Variants in ABCA5 observed in about 807,000 individuals in gnomAD.
ABCA5 encodes the protein cholesterol transporter ABCA5.
Under a neutral mutation model 206.0 loss-of-function variants are expected in ABCA5, and 163 were observed. The observed-to-expected ratio is 0.79, with a 90% CI of 0.70 to 0.90. The LOEUF is 0.90. Among genes scored for constraint, ABCA5 ranks in the 40% least tolerant of loss-of-function variants. The probability of loss-of-function intolerance (pLI) is 0.00; values close to 1 mark genes in which losing one functional copy is unlikely to be tolerated. For synonymous variants in ABCA5, 609 were observed against 613.8 expected, an observed-to-expected ratio of 0.99 and a Z score of 0.11; for missense variants, 1,859 against 1,912.9, an observed-to-expected ratio of 0.97 and a Z score of 0.53.
chr17:69,301,396 C>T (rs2075651273), intron 8 of ABCA5, 110 bp from the exon 9 acceptor site: 1 of 718,024 alleles, frequency 1.4e-6, no homozygotes, highest in South Asian at 3.1e-5. Flanking sequence ...ACCAACTGGG[C>T]CTTTTAATAG....
chr17:69,283,880 T>A, intron 18 of ABCA5, 73 bp downstream of exon 18: 1 of 1,427,614 alleles, frequency 7.0e-7, no homozygotes, highest in African/African-American at 1.5e-5. Flanking sequence ...TAAAATTACA[T>A]TTATATAATT....
chr17:69,251,914 A>T, intron 34 of ABCA5, 48 bp from the exon 35 acceptor site: 2 of 1,499,634 alleles, frequency 1.3e-6, no homozygotes, highest in Non-Finnish European at 1.8e-6. Flanking sequence ...TCTGTTTGTT[A>T]AAAAAAAATG....
Position 69,255,633 on chromosome 17 carries a change from T to C in ABCA5, c.3978A>G (p.Gly1326=), listed in dbSNP as rs752580473. Residue 1326 remains glycine, a splice_region_variant and synonymous_variant, in exon 31 of 39, where the codon GGA becomes GGG. Transcript: ENST00000392676. ...TKYISFCVKK[G]EILGLLGPNG... Reference sequence around the variant, plus strand: ...TTGGACCCAATAGTCCTAAGATCTCTCCTAAAGGAATTGAAAGAAAAAAAA... The same window carrying C: ...TTGGACCCAATAGTCCTAAGATCTCCCCTAAAGGAATTGAAAGAAAAAAAA... 7 of 1,577,492 alleles carry C rather than the reference T, an allele frequency of 4.4e-6. No homozygotes were observed. Among genetic ancestry groups the C allele is most frequent in the African/African-American group, 4.1e-5 (3 of 72,344 alleles).
chr17:69,292,412 G>A (rs2075538697), intron 11 of ABCA5, among the ~76,000 whole-genome samples: 1 of 151,844 alleles, frequency 6.6e-6, no homozygotes, highest in Non-Finnish European at 1.5e-5. Flanking sequence ...TTATGTGTTG[G>A]TAACATATAG....
intron 6 of ABCA5, 130 bp from the exon 7 acceptor site, chr17:69,304,940 A>C (rs2075701256): frequency 1.4e-6 from 1 of 736,126 alleles, no homozygotes; most frequent in Non-Finnish European, 2.0e-6. Flanking sequence ...ATTTCTGTGT[A>C]TGCTTATGTA....
chr17:69,286,250 T>C lies in ABCA5; in HGVS notation c.2103A>G (p.Lys701=). ...GGCGGTAGCCGATCCCCCATTTACT[T>C]TTGAGGAACATTGAAGAACCAACAC... ...LKCVGSSMFL[K]SKWGIGYRLS... Residue 701 remains lysine (K), a synonymous_variant, in exon 16 of 39, where the codon AAA becomes AAG. Transcript: ENST00000392676. 6.3e-7 allele frequency: 1 copy of C among 1,597,936 alleles called. No homozygotes were observed. Among genetic ancestry groups the C allele is most frequent in the Non-Finnish European group, 8.5e-7 (1 of 1,176,152 alleles).
intron 22 of ABCA5, chr17:69,268,660 A>G (rs1598161477): frequency 6.6e-6 from 1 of 152,222 alleles, no homozygotes; most frequent in African/African-American, 2.4e-5. Flanking sequence ...CAAGGATACT[A>G]TATTATCAGC....
At chr17:69,297,081 G>T in intron 10 of ABCA5, 110 bp downstream of exon 10, 1 of 1,024,232 alleles carries the variant, frequency 9.8e-7, no homozygotes, top group Non-Finnish European at 1.4e-6. Context: ...TTAAAATCAT[G>T]GCATATGTAC....
chr17:69,266,758 A>AT (rs1471744679), intron 23 of ABCA5, among the ~76,000 whole-genome samples: 1 of 149,608 alleles, frequency 6.7e-6, no homozygotes, highest in African/African-American at 2.4e-5. Flanking sequence ...CATTACTACA[A>AT]TGAGTATATT....
intron 6 of ABCA5, 101 bp from the exon 7 acceptor site, chr17:69,304,911 T>C: frequency 9.1e-7 from 1 of 1,098,960 alleles, no homozygotes; most frequent in Non-Finnish European, 1.2e-6. Context: ...ATTTTATTCT[T>C]AAAATTAAGT....
chr17:69,264,638 T>C, intron 24 of ABCA5, 97 bp downstream of exon 24: 2 of 850,252 alleles, frequency 2.4e-6, no homozygotes, highest in South Asian at 9.1e-5. Context: ...AACAAATTAA[T>C]AACCAAATTA....
intron 1 of ABCA5, among the ~76,000 whole-genome samples, chr17:69,320,687 A>G (rs1405032032): frequency 6.6e-6 from 1 of 152,190 alleles, no homozygotes. Context: ...GAAACTTCAA[A>G]GCTATAGTCA....
intron 10 of ABCA5, among the ~76,000 whole-genome samples, chr17:69,296,191 CTTAT>C (rs1333014460): frequency 6.6e-6 from 1 of 151,932 alleles, no homozygotes; most frequent in Non-Finnish European, 1.5e-5. Context: ...CTTATTCTAC[CTTAT>C]TTTTTTCATA....
rs58369537 is a variant in ABCA5, at chr17:69,263,697, C to CTTTTTTTTTTTTTTTT, written c.3315+1022_3315+1037dup. Among the ~76,000 whole-genome samples the CTTTTTTTTTTTTTTTT allele has an allele frequency of 3.1e-3, 323 of 103,626 alleles. 26 individuals are homozygous for CTTTTTTTTTTTTTTTT. The highest frequency in any genetic ancestry group is 0.013 in the African/African-American group (303 of 22,664). 68.0% of individuals were successfully genotyped at this position (103,626 alleles called of 152,430 possible). ...GGCTTTGTTCTTTTTACATGGATTC[C>CTTTTTTTTTTTTTTTT]TTTTTTTTTTTTTTTTTGATAAAAA... On this transcript the variant is annotated intron_variant, in intron 24 of 38. Coordinates refer to ENST00000392676, the MANE Select transcript of ABCA5 (RefSeq NM_172232.4).
intron 18 of ABCA5, among the ~76,000 whole-genome samples, chr17:69,280,816 T>C (rs939272384): frequency 4.6e-5 from 7 of 152,004 alleles, no homozygotes; most frequent in Non-Finnish European, 7.4e-5. Context: ...TTCTCACTCA[T>C]AGGTGGGAAC....
chr17:69,304,419 CAGAT>C (rs60474421), intron 7 of ABCA5: 2,801 of 273,754 alleles, frequency 0.01, 82 homozygotes, highest in African/African-American at 0.056. Flanking sequence ...ATAAAGACAA[CAGAT>C]AGAGGAGTTG....
At chr17:69,306,289 C>A (rs921367218) in intron 6 of ABCA5, among the ~76,000 whole-genome samples, 4 of 152,072 alleles carry the variant, frequency 2.6e-5, no homozygotes, top group African/African-American at 9.7e-5. Flanking sequence ...CATATACAGA[C>A]TTTAATCACT....
chr17:69,268,702 T>A (rs1248464856), intron 22 of ABCA5: 3 of 152,210 alleles, frequency 2.0e-5, no homozygotes, highest in African/African-American at 4.8e-5. Context: ...CCTCCCCTTG[T>A]TCTATAAGAA....
At chr17:69,299,471 T>TACACACACACACAG (rs2075627948) in intron 9 of ABCA5, among the ~76,000 whole-genome samples, 1 of 142,400 alleles carries the variant, frequency 7.0e-6, no homozygotes. Context: ...CACACACACA[T>TACACACACACACAG]ACACACACAC....
Sources: gnomAD v4.1 joint callset for allele counts (sites outside exome capture counted in the v4.1 genomes callset) on GRCh38, gnomAD v4.1.1 for gene constraint, MANE v1.5 for transcripts, NCBI Gene and HGNC (gene_info 2026-07-23, HGNC 2026-07-21) for gene names.